MARK1: variants seen among roughly 807,000 people sequenced by gnomAD.
The protein encoded by MARK1 is microtubule affinity regulating kinase 1.
Under a neutral mutation model 96.3 loss-of-function variants are expected in MARK1, and 40 were observed. The ratio of observed to expected loss-of-function variants is 0.42; its 90% CI spans 0.32 to 0.54. MARK1 has a LOEUF of 0.54. Ranked by LOEUF, MARK1 falls within the 20% of genes least tolerant of loss-of-function variation. The pLI is 0.16. For missense variants in MARK1, 719 were observed against 984.6 expected (o/e 0.73, Z 3.61); for synonymous variants, 317 against 341.2 (o/e 0.93, Z 0.78).
chr1:220,543,825 T>G (rs1661304764), intron 1 of MARK1, among the ~76,000 whole-genome samples: 1 of 152,220 alleles, frequency 6.6e-6, no homozygotes, highest in African/African-American at 2.4e-5. Flanking sequence ...CAATCTTTGT[T>G]CTTGCTCAGT....
In MARK1 at chr1:220,663,441, A is replaced by G. The variant is rs899625631; in HGVS notation, c.*1275A>G. 4 of 152,558 alleles carry G rather than the reference A, an allele frequency of 2.6e-5. No homozygotes were observed. Among genetic ancestry groups the G allele is most frequent in the African/African-American group, 9.7e-5 (4 of 41,436 alleles). The allele number at this position is 152,558 out of a possible 1,614,324, so 9.5% of individuals were successfully genotyped here. ...GATGTAAAACCACTAGTAAAGGTACATTTTAATACTTGTTATTTTATACTG... is the reference window on the plus strand; with the variant it reads ...GATGTAAAACCACTAGTAAAGGTACGTTTTAATACTTGTTATTTTATACTG... On this transcript the variant is annotated 3_prime_UTR_variant, in exon 18 of 18. Coordinates refer to ENST00000366917, the MANE Select transcript of MARK1 (RefSeq NM_018650.5).
At chr1:220,636,169 C>G (rs924193979) in intron 13 of MARK1, 143 bp downstream of exon 13, 1 of 566,212 alleles carries the variant, frequency 1.8e-6, no homozygotes, top group Non-Finnish European at 2.9e-6. Flanking sequence ...AGGGACCACA[C>G]TTCTCATAAA....
At chr1:220,548,224 G>A (rs1472656218) in intron 1 of MARK1, among the ~76,000 whole-genome samples, 3 of 152,194 alleles carry the variant, frequency 2.0e-5, no homozygotes, top group African/African-American at 7.2e-5. Context: ...AACATCTGAA[G>A]TATATCGGAG....
intron 9 of MARK1, chr1:220,625,766 G>C (rs1667290521): frequency 2.2e-6 from 1 of 450,060 alleles, no homozygotes; most frequent in Admixed American, 2.5e-5. Context: ...GCACCAGGAG[G>C]AAAGTCTGTT....
At chr1:220,622,724 C>T (rs1431476164) in intron 9 of MARK1, among the ~76,000 whole-genome samples, 2 of 152,090 alleles carry the variant, frequency 1.3e-5, no homozygotes, top group Admixed American at 1.3e-4. Context: ...TGGAAAAACC[C>T]TGTCTCTACA....
At chr1:220,582,102 T>A (rs1664284376) in intron 3 of MARK1, among the ~76,000 whole-genome samples, 1 of 152,216 alleles carries the variant, frequency 6.6e-6, no homozygotes, top group South Asian at 2.1e-4. Context: ...AATTTAGATT[T>A]GTGATATTCA....
intron 17 of MARK1, 139 bp from the exon 18 acceptor site, chr1:220,661,673 C>A: frequency 3.3e-6 from 2 of 597,862 alleles, no homozygotes; most frequent in African/African-American, 1.8e-5. Context: ...TAAATCTTTG[C>A]GTCCATCTGA....
At chr1:220,582,224 A>T (rs1010941786) in intron 3 of MARK1, among the ~76,000 whole-genome samples, 1 of 152,164 alleles carries the variant, frequency 6.6e-6, no homozygotes, top group Non-Finnish European at 1.5e-5. Flanking sequence ...CATAACACTG[A>T]TATTTCTGCC....
chr1:220,538,551 T>C (rs1473547033), intron 1 of MARK1, among the ~76,000 whole-genome samples: 9 of 152,188 alleles, frequency 5.9e-5, no homozygotes, highest in Admixed American at 4.6e-4. Context: ...CTTGGCGATG[T>C]GGGCTCTTTT....
intron 1 of MARK1, among the ~76,000 whole-genome samples, chr1:220,537,883 T>G (rs886801245): frequency 2.0e-5 from 3 of 151,602 alleles, no homozygotes; most frequent in Admixed American, 6.6e-5. Context: ...CATAAATGTC[T>G]TCTTTTGAGA....
intron 6 of MARK1, among the ~76,000 whole-genome samples, chr1:220,605,746 T>G (rs992253560): frequency 6.9e-6 from 1 of 144,736 alleles, no homozygotes; most frequent in Admixed American, 6.9e-5. Context: ...TTCCCACCTA[T>G]GAGTGAGAAC....
intron 3 of MARK1, among the ~76,000 whole-genome samples, chr1:220,587,959 T>A (rs1478719806): frequency 2.0e-5 from 3 of 152,176 alleles, no homozygotes; most frequent in African/African-American, 4.8e-5. Flanking sequence ...TACTAGATAA[T>A]GTCAAATTGC....
chr1:220,610,150 A>G (rs1474517014), intron 6 of MARK1, among the ~76,000 whole-genome samples: 1 of 152,182 alleles, frequency 6.6e-6, no homozygotes, highest in African/African-American at 2.4e-5. Context: ...GTGTTTTCCA[A>G]CTTGGTTCCA....
chr1:220,547,786 T>G (rs1235681656), intron 1 of MARK1, among the ~76,000 whole-genome samples: 2 of 152,224 alleles, frequency 1.3e-5, no homozygotes, highest in African/African-American at 2.4e-5. Context: ...CAGGATGGTC[T>G]GGATCTCCTG....
intron 11 of MARK1, among the ~76,000 whole-genome samples, chr1:220,633,955 G>A (rs1572208843): frequency 6.6e-6 from 1 of 152,262 alleles, no homozygotes; most frequent in Non-Finnish European, 1.5e-5. Context: ...CATTAGAGGG[G>A]AACACATTGC....
chr1:220,586,009 ACACGCG>A (rs1441082917), intron 3 of MARK1, among the ~76,000 whole-genome samples: 2 of 129,632 alleles, frequency 1.5e-5, no homozygotes, highest in African/African-American at 5.6e-5. Flanking sequence ...ACACACACAC[ACACGCG>A]CGCGTGCGCA....
At chr1:220,571,439 TG>T (rs1663446711) in intron 1 of MARK1, among the ~76,000 whole-genome samples, 2 of 152,222 alleles carry the variant, frequency 1.3e-5, no homozygotes, top group Admixed American at 1.3e-4. Flanking sequence ...CTTTTCCAGC[TG>T]TTAAAACATT....
At chr1:220,647,307 A>G (rs1668635122) in intron 13 of MARK1, among the ~76,000 whole-genome samples, 1 of 152,350 alleles carries the variant, frequency 6.6e-6, no homozygotes, top group East Asian at 1.9e-4. Flanking sequence ...AAAGGTCAAC[A>G]TCACTAATCA....
At chr1:220,530,199 T>A (rs1186536602) in intron 1 of MARK1, among the ~76,000 whole-genome samples, 4 of 133,610 alleles carry the variant, frequency 3.0e-5, no homozygotes, top group Non-Finnish European at 6.4e-5. Context: ...TTTCAGAGTA[T>A]GCTTTTGTCT....
Sources: gnomAD v4.1 joint callset for allele counts (sites outside exome capture counted in the v4.1 genomes callset) on GRCh38, gnomAD v4.1.1 for gene constraint, MANE v1.5 for transcripts, NCBI Gene and HGNC (gene_info 2026-07-23, HGNC 2026-07-21) for gene names.